The following RNF212 variants were observed in gnomAD, a reference collection of about 807,000 sequenced individuals.
RNF212 encodes ring finger protein 212, also known as probable E3 SUMO-protein ligase RNF212.
A neutral mutation model predicts 34.7 loss-of-function variants in RNF212; 33 were observed. The observed-to-expected ratio is 0.95, with a 90% confidence interval of 0.72 to 1.27. The LOEUF is 1.27. Ranked by LOEUF, RNF212 falls within the 50% of genes most tolerant of loss-of-function variation. The pLI is 0.00. For missense variants in RNF212, 377 were observed against 362.2 expected (o/e 1.04, Z -0.33); for synonymous variants, 140 against 136.1 (o/e 1.03, Z -0.20).
At chr4:1,084,226 CAGGCGTGAG>C (rs1720817724) in intron 5 of RNF212, among the ~76,000 whole-genome samples, 1 of 152,180 alleles carries the variant, frequency 6.6e-6, no homozygotes, top group African/African-American at 2.4e-5. Flanking sequence ...GCTGGGATTA[CAGGCGTGAG>C]CCACTGCGCC....
chr4:1,092,743 A>G (rs560877003), intron 3 of RNF212, among the ~76,000 whole-genome samples: 1 of 152,238 alleles, frequency 6.6e-6, no homozygotes, highest in African/African-American at 2.4e-5. Context: ...CAGGGCCCCA[A>G]GGAAGAGCTG....
Position 1,113,469 on chromosome 4 carries a change from G to C in RNF212, c.-5C>G, listed in dbSNP as rs1232092655. On this transcript the variant is annotated 5_prime_UTR_variant, in exon 1 of 10. Coordinates refer to ENST00000433731, the MANE Select transcript of RNF212 (RefSeq NM_001131034.4). ...ACAGAACACCCAGTTGGCCATGCCA[G>C]GCGGGCGACCGCAGCGGCGAGGCCG... is the stretch of plus-strand genomic sequence containing the variant. 6.2e-7 allele frequency: 1 copy of C among 1,604,804 alleles called. No homozygotes were observed. Among genetic ancestry groups the C allele is most frequent in the African/African-American group, 1.4e-5 (1 of 73,518 alleles).
In RNF212 at chr4:1,109,900, C is replaced by T. The variant is rs77260074; in HGVS notation, c.110-1496G>A. Among the ~76,000 whole-genome samples, 680 of 152,288 alleles carry T rather than the reference C, an allele frequency of 4.5e-3. 2 individuals are homozygous for T. Among genetic ancestry groups the T allele is most frequent in the African/African-American group, 0.016 (654 of 41,558 alleles). On this transcript the variant is annotated intron_variant, in intron 1 of 9. Coordinates refer to ENST00000433731, the MANE Select transcript of RNF212 (RefSeq NM_001131034.4). ...GTGTCCTACTGTGGGGTGAGGGGGT[C>T]CCCTTCTAACAGCCTCCAGAATTGT...
At chr4:1,084,454 G>A (rs1279566396) in intron 5 of RNF212, among the ~76,000 whole-genome samples, 1 of 152,116 alleles carries the variant, frequency 6.6e-6, no homozygotes, top group Non-Finnish European at 1.5e-5. Flanking sequence ...TTGTGGCCGG[G>A]TGCAGTGGCT....
In RNF212 at chr4:1,073,154, A is replaced by G. The variant is rs752786305; in HGVS notation, c.614T>C (p.Leu205Ser). 8 of 1,614,216 alleles carry G rather than the reference A, an allele frequency of 5.0e-6. No individual in the cohort carries two copies. The South Asian group carries it at 8.8e-5, about 18-fold the overall frequency. The stretch of plus-strand genomic sequence containing the variant: ...GGGCACAGGGGGCTTAGACAAGGTC[A>G]ACCATGGGATGAAACAGAAAGAAGC... ...LTASFCFIPWLTLSKPPVPGE... is the reference protein window; with the variant it reads ...LTASFCFIPWSTLSKPPVPGE... Residue 205 changes from leucine (L) to serine (S), a missense_variant, in exon 10 of 10, where the codon TTG becomes TCG. Transcript: ENST00000433731.
chr4:1,108,557 TACAGTTGGAAGGA>T (rs1259415436), intron 1 of RNF212, among the ~76,000 whole-genome samples, 153 bp from the exon 2 acceptor site: 1 of 152,220 alleles, frequency 6.6e-6, no homozygotes, highest in Non-Finnish European at 1.5e-5. Flanking sequence ...TGGGTACTGG[TACAGTTGGAAGGA>T]TTTATAGAAC....
intron 3 of RNF212, among the ~76,000 whole-genome samples, chr4:1,091,829 C>A (rs1376968891): frequency 2.0e-5 from 3 of 152,212 alleles, no homozygotes; most frequent in African/African-American, 7.2e-5. Context: ...TGACTTGGAG[C>A]TCTAGGGTTC....
At chr4:1,073,325 A>G in intron 9 of RNF212, 132 bp from the exon 10 acceptor site, 1 of 1,219,326 alleles carries the variant, frequency 8.2e-7, no homozygotes, top group Middle Eastern at 2.8e-4. Context: ...CAGGAAGCAA[A>G]CCCAGTGACA....
chr4:1,064,253 G>A (rs1010613794), intron 3 of RNF212, among the ~76,000 whole-genome samples: 34 of 152,152 alleles, frequency 2.2e-4, no homozygotes, highest in African/African-American at 7.7e-4. Flanking sequence ...GGGAGGAAGC[G>A]GAGCTATATG....
chr4:1,088,046 T>C (rs890786677), intron 4 of RNF212, among the ~76,000 whole-genome samples: 1 of 152,118 alleles, frequency 6.6e-6, no homozygotes, highest in African/African-American at 2.4e-5. Flanking sequence ...CTGCTATAAA[T>C]GTAACTAAAA....
rs148043584 is a variant in RNF212 at position 1,082,492 on chromosome 4, G to A, written c.363-873C>T. Reference sequence around the variant, plus strand: ...CTGGCTGGGTTTTGAGATACGAACAGTCTGCCCTCAGCAGTTTCAGTTTGG... The same window carrying A: ...CTGGCTGGGTTTTGAGATACGAACAATCTGCCCTCAGCAGTTTCAGTTTGG... On this transcript the variant is annotated intron_variant, in intron 5 of 9. Coordinates refer to ENST00000433731, the MANE Select transcript of RNF212 (RefSeq NM_001131034.4). Among the ~76,000 whole-genome samples, 439 of 152,332 alleles carry A rather than the reference G, an allele frequency of 2.9e-3. 1 individual carries two copies. Among genetic ancestry groups the A allele is most frequent in the African/African-American group, 1.0e-2 (414 of 41,572 alleles).
intron 3 of RNF212, among the ~76,000 whole-genome samples, chr4:1,094,738 CT>C (rs144680141): frequency 1.4e-3 from 211 of 152,316 alleles, no homozygotes; most frequent in East Asian, 4.2e-3. Flanking sequence ...AAGAAGCAAC[CT>C]GCTGCCCTGA....
At chr4:1,066,487 CCTAA>C (rs1273878533), downstream of RNF212, among the ~76,000 whole-genome samples, 1 of 151,984 alleles carries the variant, frequency 6.6e-6, no homozygotes, top group East Asian at 1.9e-4. Context: ...TGCCCCCATG[CCTAA>C]CTACTTTTTA....
chr4:1,056,407 C>T (rs1241718433), exon 5 of RNF212: 1 of 508,582 alleles, frequency 2.0e-6, no homozygotes, highest in Non-Finnish European at 2.5e-6. Flanking sequence ...GCTCATCTTT[C>T]AGGTGTCACT....
intron 5 of RNF212, among the ~76,000 whole-genome samples, chr4:1,082,667 T>C (rs540343480): frequency 4.0e-4 from 61 of 152,312 alleles, no homozygotes; most frequent in African/African-American, 1.4e-3. Context: ...CGGCCCGACA[T>C]ACAAGTTCAC....
intron 3 of RNF212, chr4:1,093,446 G>A (rs1722509020): frequency 1.4e-6 from 2 of 1,437,180 alleles, no homozygotes; most frequent in Admixed American, 2.8e-5. Context: ...ACGTCACACA[G>A]CTGCGGGAAA....
Position 1,089,443 on chromosome 4 carries a change from A to C in RNF212, c.303+1339T>G, listed in dbSNP as rs150703751. Among the ~76,000 whole-genome samples, 1,163 of 152,258 alleles carry C rather than the reference A, an allele frequency of 7.6e-3. 11 individuals are homozygous for C. The highest frequency in any genetic ancestry group is 0.044 in the Middle Eastern group (13 of 294). On this transcript the variant is annotated intron_variant, in intron 4 of 9. Transcript: ENST00000433731. ...CTTGGAAGTCATTAACTTGTTTTTG[A>C]TTCTACAGGCTCATAGGTGGAAGGA...
At chr4:1,085,033 C>G (rs1720950114) in intron 5 of RNF212, among the ~76,000 whole-genome samples, 1 of 152,226 alleles carries the variant, frequency 6.6e-6, no homozygotes, top group African/African-American at 2.4e-5. Flanking sequence ...GGGAGGTGGG[C>G]ACCTGCACAC....
At chr4:1,086,071 C>T (rs1422148834) in intron 4 of RNF212, 117 bp from the exon 5 acceptor site, 33 of 770,272 alleles carry the variant, frequency 4.3e-5, no homozygotes, top group South Asian at 1.0e-4. Flanking sequence ...GAGTTGCCCT[C>T]ACGCTGCTCA....
Sources: gnomAD v4.1 joint callset for allele counts (sites outside exome capture counted in the v4.1 genomes callset) on GRCh38, gnomAD v4.1.1 for gene constraint, MANE v1.5 for transcripts, NCBI Gene and HGNC (gene_info 2026-07-23, HGNC 2026-07-21) for gene names.